Variants in EIF2S3 observed in about 807,000 individuals in gnomAD.
The protein encoded by EIF2S3 is eukaryotic translation initiation factor 2 subunit 3.
In EIF2S3, 2 loss-of-function variants were observed where a neutral mutation model predicts 31.7. The ratio of observed to expected loss-of-function variants is 0.06; its 90% CI spans 0.03 to 0.20. The LOEUF is 0.20. Ranked by LOEUF, EIF2S3 falls within the 10% of genes least tolerant of loss-of-function variation. The pLI is 1.00. For missense variants in EIF2S3, 96 were observed against 359.3 expected (o/e 0.27, Z 5.92); for synonymous variants, 120 against 126.7 (o/e 0.95, Z 0.36).
At chrX:24,068,694 C>T (rs1930615566) in intron 9 of EIF2S3, among the ~76,000 whole-genome samples, 1 of 111,736 alleles carries the variant, frequency 8.9e-6, no homozygotes, top group Non-Finnish European at 1.9e-5. Flanking sequence ...AGTCCCCCTG[C>T]CTCGGCCTTT....
chrX:24,062,275 C>A, intron 5 of EIF2S3, 141 bp from the exon 6 acceptor site: 1 of 577,509 alleles, frequency 1.7e-6, no homozygotes, highest in Non-Finnish European at 2.7e-6. Flanking sequence ...AACCCCATGC[C>A]CATGAAGCGT....
At chrX:24,067,838 T>C in intron 8 of EIF2S3, 126 bp from the exon 9 acceptor site, 1 of 766,652 alleles carries the variant, frequency 1.3e-6, no homozygotes, top group Non-Finnish European at 1.8e-6. Flanking sequence ...TCCACCCGCC[T>C]CGGCCTCCCA....
At chrX:24,074,118 T>C (rs1390835808) in intron 11 of EIF2S3, among the ~76,000 whole-genome samples, 1 of 112,365 alleles carries the variant, frequency 8.9e-6, no homozygotes, top group Non-Finnish European at 1.9e-5. Flanking sequence ...ATAATGTACT[T>C]TATGTTCCTC....
intron 9 of EIF2S3, among the ~76,000 whole-genome samples, chrX:24,070,662 CCT>C (rs1244638189): frequency 1.8e-5 from 2 of 109,847 alleles, no homozygotes; most frequent in African/African-American, 6.6e-5. Context: ...GTCTTGAACT[CCT>C]GACCTTAGGT....
chrX:24,074,466 A>G (rs1930719283), intron 11 of EIF2S3, among the ~76,000 whole-genome samples: 2 of 111,746 alleles, frequency 1.8e-5, no homozygotes, highest in South Asian at 7.4e-4. Context: ...CTACCCTTGC[A>G]ACTAATAAGC....
intron 6 of EIF2S3, among the ~76,000 whole-genome samples, chrX:24,063,301 A>C (rs751492152): frequency 8.9e-6 from 1 of 112,108 alleles, no homozygotes; most frequent in East Asian, 2.8e-4. Flanking sequence ...AATGTTTTTC[A>C]TTTCAGAGGA....
At chrX:24,062,941 T>A (rs1339639116) in intron 6 of EIF2S3, among the ~76,000 whole-genome samples, 1 of 112,005 alleles carries the variant, frequency 8.9e-6, no homozygotes, top group Non-Finnish European at 1.9e-5. Context: ...GTGACAGTGA[T>A]TATTTAATCT....
intron 9 of EIF2S3, among the ~76,000 whole-genome samples, chrX:24,070,439 GTTT>G (rs768908773): frequency 3.9e-5 from 2 of 50,977 alleles, no homozygotes; most frequent in African/African-American, 1.7e-4. Context: ...ATCATATGTA[GTTT>G]TTTTTTTTTT....
intron 9 of EIF2S3, among the ~76,000 whole-genome samples, chrX:24,071,259 C>T (rs1289242365): frequency 1.9e-5 from 2 of 107,808 alleles, no homozygotes; most frequent in East Asian, 2.9e-4. Context: ...GGTGCGATCT[C>T]GGCTCACTAC....
In EIF2S3 at chrX:24,057,710, T is replaced by C. The variant is rs143766658; in HGVS notation, c.339T>C (p.Phe113=). 4.1e-6 allele frequency: 5 copies of C among 1,210,031 alleles called. No individual in the cohort carries two copies. The highest frequency in any genetic ancestry group is 4.5e-6 in the Non-Finnish European group (4 of 895,185). The change falls in exon 4 of 12, where the codon TTT becomes TTC. Residue 113 remains phenylalanine (F), a synonymous_variant. Coordinates refer to ENST00000253039, the MANE Select transcript of EIF2S3 (RefSeq NM_001415.4). ...RSCGSSTPDE[F]PTDIPGTKGN... is the part of the protein sequence containing the mutation. ...GTGGGAGCAGTACACCTGACGAGTT[T>C]CCTACGGACATTCCAGGGACCAAAG...
chrX:24,075,396 A>G (rs1002280944), intron 11 of EIF2S3, among the ~76,000 whole-genome samples: 7 of 110,901 alleles, frequency 6.3e-5, no homozygotes, highest in Non-Finnish European at 1.1e-4. Context: ...GCTCTTTCCC[A>G]GGTTATTGAG....
chrX:24,057,894 G>T, intron 4 of EIF2S3, 140 bp downstream of exon 4: 1 of 755,875 alleles, frequency 1.3e-6, no homozygotes, highest in Non-Finnish European at 1.8e-6. Context: ...TGTTTTTATG[G>T]GAAATCTGAA....
intron 11 of EIF2S3, among the ~76,000 whole-genome samples, chrX:24,074,199 T>A (rs188255796): frequency 8.9e-6 from 1 of 112,723 alleles, no homozygotes; most frequent in East Asian, 2.8e-4. Context: ...TTTCAGCCTT[T>A]GTCTTAATTG....
intron 7 of EIF2S3, 72 bp from the exon 8 acceptor site, chrX:24,065,926 C>G: frequency 1.0e-6 from 1 of 970,111 alleles, no homozygotes; most frequent in African/African-American, 1.9e-5. Context: ...ATTTTAGAAA[C>G]ATTAACATGG....
chrX:24,071,938 C>T (rs1031295223), intron 10 of EIF2S3, among the ~76,000 whole-genome samples: 10 of 108,283 alleles, frequency 9.2e-5, no homozygotes, highest in Non-Finnish European at 1.9e-4. Context: ...TGCAGTGGCG[C>T]GATCTCGGCT....
chrX:24,069,136 A>G (rs771351590), intron 9 of EIF2S3, among the ~76,000 whole-genome samples: 6 of 111,393 alleles, frequency 5.4e-5, no homozygotes, highest in Admixed American at 3.9e-4. Context: ...GATCCCAGCA[A>G]TTTGGGAGGC....
At chrX:24,071,009 A>G (rs1602047794) in intron 9 of EIF2S3, among the ~76,000 whole-genome samples, 1 of 111,427 alleles carries the variant, frequency 9.0e-6, no homozygotes, top group South Asian at 3.7e-4. Context: ...CTTTGTTTAG[A>G]ATTTAAATCA....
chrX:24,056,429 T>C (rs1602039095), intron 2 of EIF2S3, among the ~76,000 whole-genome samples: 1 of 112,405 alleles, frequency 8.9e-6, no homozygotes, highest in African/African-American at 3.2e-5. Context: ...TGTGCATATA[T>C]TGACCCAATA....
rs947725934 is a variant in EIF2S3 at position 24,065,933 on chromosome X, A to G, written c.773-65A>G. The stretch of plus-strand genomic sequence containing the variant: ...TGGCCACTATTTTAGAAACATTAAC[A>G]TGGAAAATAATATTTCTTCTAAAGT... On this transcript the variant is annotated intron_variant, in intron 7 of 11. Coordinates refer to ENST00000253039, the MANE Select transcript of EIF2S3 (RefSeq NM_001415.4). 66 of 1,008,072 alleles carry G rather than the reference A, an allele frequency of 6.5e-5. No homozygotes were observed. In the African/African-American group the frequency reaches 1.1e-3, roughly 17 times the overall value. 83.1% of individuals were successfully genotyped at this position (1,008,072 alleles called of 1,213,427 possible).
Sources: allele counts gnomAD v4.1 joint callset (sites outside exome capture counted in the v4.1 genomes callset), GRCh38; gene constraint gnomAD v4.1.1; transcripts MANE v1.5; gene names NCBI Gene and HGNC (gene_info 2026-07-23, HGNC 2026-07-21).